Variants in TMC2 observed in about 807,000 individuals in gnomAD.
The protein encoded by TMC2 is transmembrane channel-like protein 2.
In TMC2, 102 loss-of-function variants were observed where a neutral mutation model predicts 105.9. That is an observed-to-expected ratio of 0.96 (90% CI 0.82 to 1.14). The LOEUF (loss-of-function observed/expected upper bound fraction) is 1.14, where lower values mean the gene tolerates loss of function less well. Among genes scored for constraint, TMC2 ranks in the 50% most tolerant of loss-of-function variants. The pLI is 0.00. For synonymous variants in TMC2, 402 were observed against 422.8 expected (o/e 0.95, Z 0.60); for missense variants, 1,093 against 1,134.3 (o/e 0.96, Z 0.52).
chr20:2,537,360 G>C (rs375390402), intron 2 of TMC2, 44 bp downstream of exon 2: 5 of 1,520,806 alleles, frequency 3.3e-6, no homozygotes, highest in Non-Finnish European at 4.5e-6. Context: ...GCAGTGCCTG[G>C]GTGCCCTCTG....
chr20:2,627,183 G>A (rs942881159), intron 17 of TMC2, among the ~76,000 whole-genome samples: 4 of 152,142 alleles, frequency 2.6e-5, no homozygotes, highest in Non-Finnish European at 5.9e-5. Context: ...GCCTCCAGTC[G>A]TATACTGAGT....
intron 4 of TMC2, among the ~76,000 whole-genome samples, chr20:2,564,312 A>G (rs2086049070): frequency 6.6e-6 from 1 of 151,812 alleles, no homozygotes; most frequent in Admixed American, 6.6e-5. Context: ...CACCGTGCCC[A>G]GCTAATTTTC....
chr20:2,595,005 C>T, intron 9 of TMC2, 38 bp downstream of exon 9: 1 of 1,597,374 alleles, frequency 6.3e-7, no homozygotes, highest in Non-Finnish European at 8.5e-7. Flanking sequence ...TTTGACTTCA[C>T]AGCCACAGCT....
At chr20:2,576,768 T>C (rs138222257) in intron 5 of TMC2, among the ~76,000 whole-genome samples, 4 of 152,298 alleles carry the variant, frequency 2.6e-5, no homozygotes, top group Admixed American at 6.5e-5. Context: ...TCCCAATTCC[T>C]ATCTGTGAAT....
intron 8 of TMC2, among the ~76,000 whole-genome samples, chr20:2,593,677 T>C (rs142776500): frequency 2.6e-5 from 4 of 152,310 alleles, no homozygotes; most frequent in East Asian, 3.9e-4. Flanking sequence ...CTCCCTTTAC[T>C]GGAACTACTG....
At chr20:2,562,953 A>G (rs958748256) in intron 4 of TMC2, among the ~76,000 whole-genome samples, 8 of 151,930 alleles carry the variant, frequency 5.3e-5, no homozygotes, top group African/African-American at 1.9e-4. Flanking sequence ...ATCAAAAAAA[A>G]AAGAAAGAAA....
chr20:2,563,630 A>G (rs998333571), intron 4 of TMC2, among the ~76,000 whole-genome samples: 3 of 152,246 alleles, frequency 2.0e-5, no homozygotes, highest in Non-Finnish European at 4.4e-5. Context: ...CTCACCACAT[A>G]CAAGAAACAA....
chr20:2,569,824 G>A (rs2086090195), intron 4 of TMC2, among the ~76,000 whole-genome samples: 1 of 152,172 alleles, frequency 6.6e-6, no homozygotes, highest in South Asian at 2.1e-4. Flanking sequence ...CTCACTGATT[G>A]TTGGCTGAAT....
chr20:2,629,555 CA>C (rs1029338847), intron 17 of TMC2, among the ~76,000 whole-genome samples: 3 of 107,346 alleles, frequency 2.8e-5, no homozygotes, highest in Admixed American at 2.0e-4. Context: ...AAAGTGACCT[CA>C]AAAGGTGGTG....
At chr20:2,547,541 T>C (rs1378662541) in intron 2 of TMC2, among the ~76,000 whole-genome samples, 1 of 152,230 alleles carries the variant, frequency 6.6e-6, no homozygotes, top group East Asian at 1.9e-4. Flanking sequence ...TCCTAATTGT[T>C]TCTGGCACCT....
Position 2,580,032 on chromosome 20 carries a change from A to G in TMC2, c.810A>G (p.Ile270Met), listed in dbSNP as rs750187305. The change falls in exon 7 of 20, where the codon ATA becomes ATG. Residue 270 changes from isoleucine to methionine, a missense_variant. Transcript: ENST00000358864. ...TTAACCTTGTCCTTTTTGGCTTAAT[A>G]TTTGGTCTAGTCATAATCCCAGAGG... ...YGVNLVLFGL[I>M]FGLVIIPEVL... 6.2e-7 allele frequency: 1 copy of G among 1,613,116 alleles called. No individual in the cohort carries two copies. The highest frequency in any genetic ancestry group is 8.5e-7 in the Non-Finnish European group (1 of 1,179,192).
rs1379592074 is a variant in TMC2, at chr20:2,642,357, CAG to C, written c.*1007_*1008del. The stretch of plus-strand genomic sequence containing the variant: ...GAAGCTTACACCATGGAGCACAAAA[CAG>C]GGAGTGAAAACAGTGAATCACAGGA... On this transcript the variant is annotated 3_prime_UTR_variant, in exon 20 of 20. Transcript: ENST00000358864. Among the ~76,000 whole-genome samples the C allele has an allele frequency of 6.6e-6, 1 of 152,170 alleles. No homozygotes were observed. The highest frequency in any genetic ancestry group is 2.4e-5 in the African/African-American group (1 of 41,446).
chr20:2,620,113 A>G (rs728499), intron 16 of TMC2, among the ~76,000 whole-genome samples: 89,813 of 152,002 alleles, frequency 0.59, 27,827 homozygotes, highest in Admixed American at 0.68. Context: ...GAGAAGAAAA[A>G]AACAGAACTT....
chr20:2,642,201 G>T lies in TMC2; in HGVS notation c.*850G>T, dbSNP rs1462048550. On this transcript the variant is annotated 3_prime_UTR_variant, in exon 20 of 20. Transcript: ENST00000358864. ...GCCTGAGCAACAGAGCAAGACCCTT[G>T]TCTCTACAAATAGATAAATGAATCA... Among the ~76,000 whole-genome samples, 1 of 152,160 alleles carries T rather than the reference G, an allele frequency of 6.6e-6. No individual in the cohort carries two copies. Among genetic ancestry groups the T allele is most frequent in the Non-Finnish European group, 1.5e-5 (1 of 68,042 alleles).
intron 5 of TMC2, among the ~76,000 whole-genome samples, chr20:2,575,642 T>G (rs1007494592): frequency 1.3e-5 from 2 of 152,216 alleles, no homozygotes; most frequent in African/African-American, 4.8e-5. Flanking sequence ...CTTTGATAAA[T>G]GATTCTGTTA....
chr20:2,601,026 A>G (rs1369495059), intron 10 of TMC2, among the ~76,000 whole-genome samples: 3 of 150,818 alleles, frequency 2.0e-5, no homozygotes, highest in Non-Finnish European at 4.4e-5. Flanking sequence ...TTTAAGTTCT[A>G]TTAATAGTAT....
rs760157629 is a variant in TMC2, at chr20:2,562,627, G to A, written c.554+617G>A. Among the ~76,000 whole-genome samples the A allele has an allele frequency of 2.0e-5, 3 of 152,168 alleles. No individual in the cohort carries two copies. In the South Asian group the frequency reaches 6.2e-4, roughly 32 times the overall value. ...GTTTCCATGCAAAAGGCTGATGCAC[G>A]GAGCATTTGATGATTCTGGGGTCTT... is the stretch of plus-strand genomic sequence containing the variant. On this transcript the variant is annotated intron_variant, in intron 4 of 19. Transcript: ENST00000358864.
chr20:2,612,356 C>G lies in TMC2; in HGVS notation c.1743+16C>G, dbSNP rs1568524391. 6.5e-7 allele frequency: 1 copy of G among 1,544,328 alleles called. No individual in the cohort carries two copies. Among genetic ancestry groups the G allele is most frequent in the Non-Finnish European group, 8.8e-7 (1 of 1,135,608 alleles). On this transcript the variant is annotated intron_variant, in intron 13 of 19. Transcript: ENST00000358864. ...TGTGGGCATTGTGAGTAGTTACACT[C>G]TCTAAAAAGGTGACCCCTGTTCTCA...
chr20:2,619,052 A>C (rs907747116), intron 16 of TMC2, among the ~76,000 whole-genome samples: 2 of 152,166 alleles, frequency 1.3e-5, no homozygotes, highest in Admixed American at 1.3e-4. Flanking sequence ...CTCTAGTCCC[A>C]ACCCTGCCTG....
Sources: allele counts gnomAD v4.1 joint callset (sites outside exome capture counted in the v4.1 genomes callset), GRCh38; gene constraint gnomAD v4.1.1; transcripts MANE v1.5; gene names NCBI Gene and HGNC (gene_info 2026-07-23, HGNC 2026-07-21).